The following NCALD variants were observed in gnomAD, a reference collection of about 807,000 sequenced individuals.
The protein encoded by NCALD is neurocalcin-delta.
In NCALD, 10 loss-of-function variants were observed where a neutral mutation model predicts 18.6. The observed-to-expected ratio is 0.54, with a 90% CI of 0.33 to 0.91. The LOEUF (loss-of-function observed/expected upper bound fraction) is 0.91. NCALD is among the 40% of genes least tolerant of loss of function. The pLI is 0.03. For synonymous variants in NCALD, 88 were observed against 87.4 expected (o/e 1.01, Z -0.04); for missense variants, 184 against 247.6 (o/e 0.74, Z 1.72).
chr8:101,718,045 A>G (rs1816168734), intron 2 of NCALD, among the ~76,000 whole-genome samples: 1 of 152,178 alleles, frequency 6.6e-6, no homozygotes, highest in African/African-American at 2.4e-5. Flanking sequence ...ATCAGGACTT[A>G]GCACTCTAGG....
intron 1 of NCALD, among the ~76,000 whole-genome samples, chr8:102,084,205 C>A (rs1200426509): frequency 6.6e-6 from 1 of 152,132 alleles, no homozygotes; most frequent in Non-Finnish European, 1.5e-5. Context: ...CCTAAAATTT[C>A]TTTTATTACA....
intron 2 of NCALD, among the ~76,000 whole-genome samples, chr8:101,979,830 A>C (rs1820550709): frequency 6.6e-6 from 1 of 152,224 alleles, no homozygotes; most frequent in African/African-American, 2.4e-5. Context: ...AGCCTCGGTC[A>C]TTCTGGCAAC....
At chr8:101,885,025 G>A (rs890781835) in intron 4 of NCALD, among the ~76,000 whole-genome samples, 9 of 152,110 alleles carry the variant, frequency 5.9e-5, no homozygotes, top group South Asian at 2.1e-4. Flanking sequence ...GGGCTAAAAC[G>A]CATTCATTCT....
chr8:101,853,575 G>A (rs985081514), intron 4 of NCALD, among the ~76,000 whole-genome samples: 8 of 152,198 alleles, frequency 5.3e-5, no homozygotes, highest in Admixed American at 2.0e-4. Context: ...TTTGAAAGAA[G>A]GAAAGAAAAT....
intron 4 of NCALD, among the ~76,000 whole-genome samples, chr8:101,854,577 T>C (rs1377678916): frequency 6.6e-6 from 1 of 152,162 alleles, no homozygotes; most frequent in East Asian, 1.9e-4. Flanking sequence ...TTCTTGATGC[T>C]TTATTCCTTC....
chr8:102,031,481 C>T (rs1411696696), intron 1 of NCALD, among the ~76,000 whole-genome samples: 1 of 152,126 alleles, frequency 6.6e-6, no homozygotes, highest in Non-Finnish European at 1.5e-5. Flanking sequence ...TGGTGAAGTT[C>T]TCTTTCCTGG....
Position 101,689,120 on chromosome 8 carries a change from G to C in NCALD, c.*189C>G. 1 of 706,210 alleles carries C rather than the reference G, an allele frequency of 1.4e-6. No individual in the cohort carries two copies. Among genetic ancestry groups the C allele is most frequent in the Non-Finnish European group, 2.6e-6 (1 of 387,238 alleles). The allele number at this position is 706,210 out of a possible 1,614,324, so 43.7% of individuals were successfully genotyped here. ...TCCATGCTCTCCACAAGCACACTGG[G>C]GCTCTGGGCATTCCCACGAAGCATC... On this transcript the variant is annotated 3_prime_UTR_variant, in exon 4 of 4. Coordinates refer to ENST00000220931, the MANE Select transcript of NCALD (RefSeq NM_032041.3). The surrounding 1 kb of genome is among the most constrained non-coding windows in gnomAD (Gnocchi z 4.4).
chr8:101,945,661 T>C (rs1453576177), intron 2 of NCALD, among the ~76,000 whole-genome samples: 2 of 152,192 alleles, frequency 1.3e-5, no homozygotes, highest in Admixed American at 6.5e-5. Flanking sequence ...CCTCCAACAA[T>C]GCATCTTCTA....
intron 4 of NCALD, among the ~76,000 whole-genome samples, chr8:101,818,318 CTGAG>C (rs1200179936): frequency 1.3e-5 from 2 of 152,136 alleles, no homozygotes; most frequent in South Asian, 4.1e-4. Flanking sequence ...TGGCACTGCA[CTGAG>C]TGTTTCATGC....
intron 1 of NCALD, among the ~76,000 whole-genome samples, chr8:102,101,504 A>G (rs1292987699): frequency 2.0e-5 from 3 of 152,216 alleles, no homozygotes; most frequent in Non-Finnish European, 4.4e-5. Context: ...TGTGCAGGCA[A>G]TTATTTCCAG....
chr8:101,838,819 C>T (rs1017209374), intron 4 of NCALD, among the ~76,000 whole-genome samples: 3 of 152,194 alleles, frequency 2.0e-5, no homozygotes, highest in African/African-American at 4.8e-5. Flanking sequence ...TGCAACACTG[C>T]TAATATCAGA....
chr8:101,830,336 G>A (rs7842147), intron 4 of NCALD, among the ~76,000 whole-genome samples: 92,787 of 151,974 alleles, frequency 0.61, 30,997 homozygotes, highest in Non-Finnish European at 0.74. Context: ...CGAGGCAGGC[G>A]GATCACCTGA....
At chr8:101,862,482 G>A (rs1464761831) in intron 4 of NCALD, among the ~76,000 whole-genome samples, 1 of 152,154 alleles carries the variant, frequency 6.6e-6, no homozygotes, top group African/African-American at 2.4e-5. Flanking sequence ...GTTAGAAAAT[G>A]TTTAGCATGT....
intron 1 of NCALD, among the ~76,000 whole-genome samples, chr8:102,117,403 C>T (rs1323563167): frequency 6.6e-6 from 1 of 152,156 alleles, no homozygotes; most frequent in Non-Finnish European, 1.5e-5. Context: ...TATAAAAGTC[C>T]CACAGAGCGA....
At chr8:101,746,303 T>A (rs915858602) in intron 1 of NCALD, among the ~76,000 whole-genome samples, 5 of 152,252 alleles carry the variant, frequency 3.3e-5, no homozygotes, top group Non-Finnish European at 7.3e-5. Context: ...TAGGTGACCC[T>A]GGGCAAGTCA....
chr8:102,020,008 A>T (rs1393228186), intron 2 of NCALD, among the ~76,000 whole-genome samples: 2 of 152,146 alleles, frequency 1.3e-5, no homozygotes, highest in African/African-American at 4.8e-5. Context: ...GGATATTTAT[A>T]TTCTCTCCTT....
chr8:101,955,187 A>G (rs891163763), intron 2 of NCALD, among the ~76,000 whole-genome samples: 2 of 152,238 alleles, frequency 1.3e-5, no homozygotes, highest in Non-Finnish European at 2.9e-5. Context: ...TCACAGTCTT[A>G]ATTAAATGAG....
intron 1 of NCALD, among the ~76,000 whole-genome samples, chr8:102,106,875 C>T (rs1298127389): frequency 1.3e-5 from 2 of 152,070 alleles, no homozygotes; most frequent in Admixed American, 6.5e-5. Context: ...CATAAGCTTT[C>T]TTTCATTACT....
chr8:101,987,656 C>T (rs760513854), intron 2 of NCALD, among the ~76,000 whole-genome samples: 2 of 152,152 alleles, frequency 1.3e-5, no homozygotes, highest in Non-Finnish European at 2.9e-5. Context: ...TCAGCACCAC[C>T]CCTGTCAGTA....
Sources: allele counts gnomAD v4.1 joint callset (sites outside exome capture counted in the v4.1 genomes callset), GRCh38; gene constraint gnomAD v4.1.1; non-coding constraint Gnocchi (gnomAD v3.1); transcripts MANE v1.5; gene names NCBI Gene and HGNC (gene_info 2026-07-23, HGNC 2026-07-21).